Variants in CAMTA1 observed in about 807,000 individuals in gnomAD.
CAMTA1 encodes calmodulin binding transcription activator 1.
Under a neutral mutation model 170.9 loss-of-function variants are expected in CAMTA1, and 27 were observed. The ratio of observed to expected loss-of-function variants is 0.16; its 90% confidence interval spans 0.12 to 0.22. CAMTA1 has a LOEUF of 0.22. CAMTA1 is among the 10% of genes least tolerant of loss of function. The probability of loss-of-function intolerance (pLI) is 1.00; values close to 1 mark genes in which losing one functional copy is unlikely to be tolerated. For synonymous variants in CAMTA1, 833 were observed against 891.5 expected, an observed-to-expected ratio of 0.93 and a Z score of 1.17; for missense variants, 1,619 against 2,217.2, an observed-to-expected ratio of 0.73 and a Z score of 5.42.
At chr1:7,436,957 G>A (rs190051724) in intron 5 of CAMTA1, among the ~76,000 whole-genome samples, 2 of 152,252 alleles carry the variant, frequency 1.3e-5, no homozygotes, top group East Asian at 3.9e-4. Flanking sequence ...CTGCACGTTG[G>A]GGGGAATGGC....
At chr1:7,078,211 A>C (rs1199550273) in intron 3 of CAMTA1, among the ~76,000 whole-genome samples, 1 of 152,236 alleles carries the variant, frequency 6.6e-6, no homozygotes, top group African/African-American at 2.4e-5. Context: ...AAGGTTGAAG[A>C]AGAAGCCAAA....
intron 5 of CAMTA1, among the ~76,000 whole-genome samples, chr1:7,315,219 G>C (rs952771629): frequency 2.0e-5 from 3 of 152,230 alleles, no homozygotes; most frequent in African/African-American, 7.2e-5. Flanking sequence ...ACTTTGTGCA[G>C]CTGGAGAGAG....
chr1:7,399,056 A>G (rs1415673037), intron 5 of CAMTA1, among the ~76,000 whole-genome samples: 1 of 151,922 alleles, frequency 6.6e-6, no homozygotes, highest in Non-Finnish European at 1.5e-5. Context: ...TGTAGTTTGG[A>G]TATGTTTGTC....
rs1369408349 is a variant in CAMTA1, at chr1:6,970,003, G to A, written c.235-121301G>A. Among the ~76,000 whole-genome samples the A allele has an allele frequency of 6.6e-6, 1 of 152,070 alleles. No homozygotes were observed. Among genetic ancestry groups the A allele is most frequent in the Admixed American group, 6.5e-5 (1 of 15,268 alleles). Reference sequence around the variant, plus strand: ...TTGTGTCACCACCACCACAGTCAAGGTGCAGAATTGTTCCATCTCCACAGA... The same window carrying A: ...TTGTGTCACCACCACCACAGTCAAGATGCAGAATTGTTCCATCTCCACAGA... On this transcript the variant is annotated intron_variant, in intron 3 of 22. Coordinates refer to ENST00000303635, the MANE Select transcript of CAMTA1 (RefSeq NM_015215.4). This position sits in a 1 kb window ranked among gnomAD's most constrained non-coding sequence, Gnocchi z 4.4.
intron 3 of CAMTA1, among the ~76,000 whole-genome samples, chr1:6,897,733 C>T (rs924353408): frequency 2.6e-5 from 4 of 152,164 alleles, no homozygotes; most frequent in Non-Finnish European, 5.9e-5. Context: ...TGAAACAGAG[C>T]TCTCTGATGG....
At chr1:7,103,805 T>C (rs1643152658) in intron 4 of CAMTA1, among the ~76,000 whole-genome samples, 1 of 134,846 alleles carries the variant, frequency 7.4e-6, no homozygotes. Flanking sequence ...AACGCACATA[T>C]ACATACAACT....
At chr1:7,056,508 A>G (rs1270759384) in intron 3 of CAMTA1, among the ~76,000 whole-genome samples, 1 of 152,216 alleles carries the variant, frequency 6.6e-6, no homozygotes, top group Non-Finnish European at 1.5e-5. Flanking sequence ...CTGTTAAAAC[A>G]GTGACATAAG....
chr1:7,446,637 G>A (rs1171927976), intron 5 of CAMTA1, among the ~76,000 whole-genome samples: 1 of 152,220 alleles, frequency 6.6e-6, no homozygotes, highest in Non-Finnish European at 1.5e-5. Flanking sequence ...CCGAACCCAT[G>A]TTGGCCGGAC....
At chr1:6,983,732 G>A (rs1425344591) in intron 3 of CAMTA1, among the ~76,000 whole-genome samples, 3 of 152,060 alleles carry the variant, frequency 2.0e-5, no homozygotes, top group African/African-American at 7.2e-5. Flanking sequence ...ATGGGTAGGG[G>A]GATGGGTGGG....
At chr1:7,450,040 G>A (rs902283970) in intron 5 of CAMTA1, among the ~76,000 whole-genome samples, 1 of 152,118 alleles carries the variant, frequency 6.6e-6, no homozygotes, top group African/African-American at 2.4e-5. Context: ...TGCTTGGAGA[G>A]ATGAGGCCCA....
chr1:7,010,466 AAC>A lies in CAMTA1; in HGVS notation c.235-80834_235-80833del, dbSNP rs1335444416. ...TGAGGATGCCAGGAGACGCTTTCTG[AAC>A]ACAGTCTGCGTCCTTCCTTATTTTT... On this transcript the variant is annotated intron_variant, in intron 3 of 22. Coordinates refer to ENST00000303635, the MANE Select transcript of CAMTA1 (RefSeq NM_015215.4). The surrounding 1 kb of genome is among the most constrained non-coding windows in gnomAD (Gnocchi z 4.4). Among the ~76,000 whole-genome samples the A allele has an allele frequency of 1.3e-5, 2 of 152,184 alleles. No individual in the cohort carries two copies. Among genetic ancestry groups the A allele is most frequent in the Admixed American group, 1.3e-4 (2 of 15,284 alleles).
rs2096786409 is a variant in CAMTA1 at position 7,738,416 on chromosome 1, A to G, written c.4116A>G (p.Thr1372=). The change falls in exon 16 of 23, where the codon ACA becomes ACG. Residue 1372 remains threonine (T), a synonymous_variant. Coordinates refer to ENST00000303635, the MANE Select transcript of CAMTA1 (RefSeq NM_015215.4). The surrounding 1 kb of genome is among the most constrained non-coding windows in gnomAD (Gnocchi z 4.9). ...TGGCTAACAGAGAGGTGGTGAATAC[A>G]GAGCTGGGGTCCTACCGTGATAGTG... is the stretch of plus-strand genomic sequence containing the variant. ...LMMANREVVN[T]ELGSYRDSAE... is the part of the protein sequence containing the mutation. The G allele has an allele frequency of 6.2e-7, 1 of 1,614,230 alleles. No individual in the cohort carries two copies. The highest frequency in any genetic ancestry group is 8.5e-7 in the Non-Finnish European group (1 of 1,180,050).
chr1:6,794,602 A>G (rs1465949503), intron 1 of CAMTA1, among the ~76,000 whole-genome samples: 1 of 152,214 alleles, frequency 6.6e-6, no homozygotes, highest in South Asian at 2.1e-4. Context: ...GTCACCAAGG[A>G]TGTGAGGGTC....
chr1:7,654,813 ACACCACACACACC>A (rs1484684501), intron 7 of CAMTA1, among the ~76,000 whole-genome samples: 9 of 125,578 alleles, frequency 7.2e-5, no homozygotes, highest in East Asian at 2.8e-4. Context: ...ACACCCACAC[ACACCACACACACC>A]CCTATACACA....
intron 5 of CAMTA1, among the ~76,000 whole-genome samples, chr1:7,322,798 T>A (rs927882886): frequency 6.6e-6 from 1 of 152,210 alleles, no homozygotes; most frequent in Non-Finnish European, 1.5e-5. Flanking sequence ...CTTCCCTTAA[T>A]AAGAATTACC....
At chr1:6,858,005 G>A (rs1663088056) in intron 3 of CAMTA1, among the ~76,000 whole-genome samples, 1 of 152,094 alleles carries the variant, frequency 6.6e-6, no homozygotes, top group South Asian at 2.1e-4. Flanking sequence ...AATGGTGCCT[G>A]GCACATAGTA....
chr1:7,586,981 G>T (rs1313511854), intron 6 of CAMTA1, among the ~76,000 whole-genome samples: 1 of 152,036 alleles, frequency 6.6e-6, no homozygotes, highest in East Asian at 1.9e-4. Flanking sequence ...ATACACCAGG[G>T]CAGGGGTCTG....
chr1:6,883,511 A>G (rs1221293773), intron 3 of CAMTA1, among the ~76,000 whole-genome samples: 1 of 151,996 alleles, frequency 6.6e-6, no homozygotes. Flanking sequence ...AGTACAGTGG[A>G]GGGAGGAGGC....
chr1:7,230,334 A>G (rs962598604), intron 4 of CAMTA1, among the ~76,000 whole-genome samples: 1 of 149,008 alleles, frequency 6.7e-6, no homozygotes, highest in African/African-American at 2.5e-5. Context: ...AGAGTCTTTG[A>G]GGGCACTGGC....
Sources: allele counts gnomAD v4.1 joint callset (sites outside exome capture counted in the v4.1 genomes callset), GRCh38; gene constraint gnomAD v4.1.1; non-coding constraint Gnocchi (gnomAD v3.1); transcripts MANE v1.5; gene names NCBI Gene and HGNC (gene_info 2026-07-23, HGNC 2026-07-21).